Variants in TAF6L observed in about 807,000 individuals in gnomAD.
TAF6L encodes the protein TATA-box binding protein associated factor 6 like, also known as TAF6-like RNA polymerase II p300/CBP-associated factor-associated factor 65 kDa subunit 6L.
A neutral mutation model predicts 57.3 loss-of-function variants in TAF6L; 34 were observed. That is an observed-to-expected ratio of 0.59 (90% CI 0.45 to 0.79). The LOEUF (loss-of-function observed/expected upper bound fraction) is 0.79. TAF6L is among the 30% of genes least tolerant of loss of function. The pLI, the probability that TAF6L is intolerant of heterozygous loss-of-function variation, is 0.00. For synonymous variants in TAF6L, 417 were observed against 376.3 expected, an observed-to-expected ratio of 1.11 and a Z score of -1.25; for missense variants, 782 against 853.2, an observed-to-expected ratio of 0.92 and a Z score of 1.04.
chr11:62,783,054 C>T (rs1464162161), intron 9 of TAF6L, among the ~76,000 whole-genome samples: 1 of 152,154 alleles, frequency 6.6e-6, no homozygotes, highest in African/African-American at 2.4e-5. Flanking sequence ...TAAATTCCTG[C>T]CCGTTCTATA....
intron 1 of TAF6L, chr11:62,774,638 T>C (rs2084172135): frequency 2.2e-6 from 1 of 455,050 alleles, no homozygotes. Context: ...CAGCTGCTGT[T>C]TTTGTCGGTT....
At chr11:62,785,761 C>G (rs1201662702) in intron 9 of TAF6L, among the ~76,000 whole-genome samples, 8 of 148,874 alleles carry the variant, frequency 5.4e-5, no homozygotes, top group Non-Finnish European at 1.0e-4. Flanking sequence ...TCTTGAACTC[C>G]TGACCTCAGG....
chr11:62,786,095 A>G (rs890679650), intron 9 of TAF6L, 165 bp from the exon 10 acceptor site: 50 of 807,862 alleles, frequency 6.2e-5, no homozygotes, highest in Middle Eastern at 3.9e-4. Context: ...TTAGGTATAC[A>G]GTAGGTTCCA....
chr11:62,779,952 C>CCA (rs1332185092), intron 6 of TAF6L, among the ~76,000 whole-genome samples: 13 of 100,026 alleles, frequency 1.3e-4, no homozygotes, highest in African/African-American at 5.8e-4. Flanking sequence ...AGGCGTGAGC[C>CCA]TATATATATA....
Position 62,778,955 on chromosome 11 carries a change from C to G in TAF6L, c.523C>G (p.Leu175Val), listed in dbSNP as rs377296557. ...TGCTGTGCTAGGGGATGATCCGCAA[C>G]TGATGAAGGTGAGCGAGTGGGCCCA... is the stretch of plus-strand genomic sequence containing the variant. ...TRAVLGDDPQ[L>V]MKVALQDLQT... Residue 175 changes from leucine (L) to valine (V), a missense_variant, in exon 6 of 11, where the codon CTG (leucine) becomes GTG (valine). Coordinates refer to ENST00000294168, the MANE Select transcript of TAF6L (RefSeq NM_006473.4). 4 of 1,613,326 alleles carry G rather than the reference C, an allele frequency of 2.5e-6. No individual in the cohort carries two copies. In the African/African-American group the frequency reaches 5.3e-5, roughly 22 times the overall value.
intron 5 of TAF6L, 187 bp from the exon 6 acceptor site, chr11:62,778,682 A>T (rs2084204736): frequency 1.6e-6 from 1 of 624,032 alleles, no homozygotes; most frequent in South Asian, 1.9e-5. Context: ...GACAGAGCAC[A>T]GAGGTGTGCA....
At position 62,771,404 on chromosome 11, in the gene TAF6L, TGA is replaced by T. The variant is rs1445940933; in HGVS notation, c.-98_-97del. The T allele has an allele frequency of 6.5e-6, 1 of 153,444 alleles. No homozygotes were observed. The highest frequency in any genetic ancestry group is 1.9e-4 in the East Asian group (1 of 5,170). The allele number at this position is 153,444 out of a possible 1,614,324, so 9.5% of individuals were successfully genotyped here. A position where few individuals can be genotyped will look rare whatever the true frequency, so the allele number is the denominator to read the frequency against. The stretch of plus-strand genomic sequence containing the variant: ...GGGGCCGGGGCCCCGGGAGAGGGAA[TGA>T]GTGTGAGCTCGTGAGTGGGCGCCGC... On this transcript the variant is annotated 5_prime_UTR_variant, in exon 1 of 11. It removes the in-frame stop codon of an upstream open reading frame in the 5' UTR. Coordinates refer to ENST00000294168, the MANE Select transcript of TAF6L (RefSeq NM_006473.4).
At chr11:62,773,440 G>A (rs1301365480) in intron 1 of TAF6L, among the ~76,000 whole-genome samples, 1 of 149,838 alleles carries the variant, frequency 6.7e-6, no homozygotes, top group Non-Finnish European at 1.5e-5. Flanking sequence ...CACTGCGCCC[G>A]GCCTACAATT....
At position 62,776,072 on chromosome 11, in the gene TAF6L, A is replaced by C; in HGVS notation, c.147+142A>C. 4.3e-6 allele frequency: 5 copies of C among 1,175,666 alleles called. 1 individual carries two copies. The South Asian group carries it at 8.1e-5, about 19-fold the overall frequency. 72.8% of individuals were successfully genotyped at this position (1,175,666 alleles called of 1,614,324 possible). A position where few individuals can be genotyped will look rare whatever the true frequency, so the allele number is the denominator to read the frequency against. ...ACAGTCCATGCCTTTACAGAACTCTACTTGTAGCTGTCTGGGCTTCCAGCA... is the reference window on the plus strand; with the variant it reads ...ACAGTCCATGCCTTTACAGAACTCTCCTTGTAGCTGTCTGGGCTTCCAGCA... On this transcript the variant is annotated intron_variant, in intron 2 of 10. Transcript: ENST00000294168.
chr11:62,783,396 G>C (rs973030554), intron 9 of TAF6L, among the ~76,000 whole-genome samples: 5 of 151,920 alleles, frequency 3.3e-5, no homozygotes, highest in African/African-American at 1.2e-4. Flanking sequence ...GCAGGAGAAT[G>C]GCGTGAACCC....
chr11:62,780,259 T>C (rs986682834), intron 6 of TAF6L, among the ~76,000 whole-genome samples: 2 of 151,456 alleles, frequency 1.3e-5, no homozygotes, highest in African/African-American at 2.4e-5. Flanking sequence ...CAGAGGTTGC[T>C]GTGAGTCAAG....
At chr11:62,783,056 C>T (rs1006207278) in intron 9 of TAF6L, among the ~76,000 whole-genome samples, 1 of 152,116 alleles carries the variant, frequency 6.6e-6, no homozygotes, top group African/African-American at 2.4e-5. Flanking sequence ...AATTCCTGCC[C>T]GTTCTATATT....
Position 62,786,811 on chromosome 11 carries a change from G to C in TAF6L, c.1384G>C (p.Ala462Pro), listed in dbSNP as rs766389869. 1.2e-6 allele frequency: 2 copies of C among 1,607,652 alleles called. No individual in the cohort carries two copies. The highest frequency in any genetic ancestry group is 1.7e-6 in the Non-Finnish European group (2 of 1,179,318). The change falls in exon 11 of 11, where the codon GCA (alanine) becomes CCA (proline). Residue 462 changes from alanine to proline, a missense_variant. Transcript: ENST00000294168. ...CACACGCTTTGGCACCGGCCAGCCT[G>C]CACCCACGGCTCCGCGGCCGCCCGG... ...LATRFGTGQP[A>P]PTAPRPPGDK...
chr11:62,787,097 C>T lies in TAF6L; in HGVS notation c.1670C>T (p.Ala557Val). 1 of 1,542,872 alleles carries T rather than the reference C, an allele frequency of 6.5e-7. No individual in the cohort carries two copies. Among genetic ancestry groups the T allele is most frequent in the South Asian group, 1.2e-5 (1 of 85,096 alleles). ...FQKSRFAPRG[A>V]PHFRFIIAGR... ...AAGAGCCGTTTCGCCCCGCGCGGCG[C>T]CCCGCACTTTCGTTTCATCATAGCC... is the stretch of plus-strand genomic sequence containing the variant. The change falls in exon 11 of 11, where the codon GCC becomes GTC. Residue 557 changes from alanine to valine, a missense_variant. By Grantham distance (64) the Ala-to-Val change is moderately conservative. This residue lies in a region of TAF6L where 483 missense variants were observed against 445.1 expected (regional missense o/e 1.09). Coordinates refer to ENST00000294168, the MANE Select transcript of TAF6L (RefSeq NM_006473.4).
intron 9 of TAF6L, among the ~76,000 whole-genome samples, chr11:62,783,110 T>G (rs897138681): frequency 6.6e-6 from 1 of 152,216 alleles, no homozygotes; most frequent in Non-Finnish European, 1.5e-5. Flanking sequence ...ATTGAGCATT[T>G]TACACATGAA....
At position 62,786,867 on chromosome 11, in the gene TAF6L, C is replaced by T. The variant is rs1298679533; in HGVS notation, c.1440C>T (p.Asp480=). ...AGAAGGAGCCGGCGGCAGCCCCGGA[C>T]TCGGTGCGGAAGATGCCGCAGCTGA... The part of the protein sequence containing the change: ...GDKKEPAAAP[D]SVRKMPQLTA... Residue 480 remains aspartate, a synonymous_variant, in exon 11 of 11, where the codon GAC becomes GAT. Coordinates refer to ENST00000294168, the MANE Select transcript of TAF6L (RefSeq NM_006473.4). The T allele has an allele frequency of 1.9e-5, 30 of 1,588,476 alleles. No homozygotes were observed. The highest frequency in any genetic ancestry group is 4.0e-5 in the African/African-American group (3 of 74,564).
chr11:62,786,386 C>G lies in TAF6L; in HGVS notation c.1087C>G (p.Leu363Val). The change falls in exon 10 of 11, where the codon CTG (leucine) becomes GTG (valine). Residue 363 changes from leucine to valine, a missense_variant and splice_region_variant. By Grantham distance (32) the Leu-to-Val change is conservative. Around this residue, in one of 3 missense-constraint regions of TAF6L, gnomAD observed 483 missense variants for 445.1 expected, o/e 1.09. Coordinates refer to ENST00000294168, the MANE Select transcript of TAF6L (RefSeq NM_006473.4). Reference protein sequence around the residue: ...ADGHKVYGAILVAVERLLKMK... With the variant: ...ADGHKVYGAIVVAVERLLKMK... ...TGGACACAAAGTCTATGGAGCCATT[C>G]TGGTGAGTACCGTCCCCTTCCAGCC... 1.2e-6 allele frequency: 2 copies of G among 1,613,370 alleles called. No homozygotes were observed. Among genetic ancestry groups the G allele is most frequent in the Non-Finnish European group, 1.7e-6 (2 of 1,179,342 alleles).
chr11:62,780,745 C>T (rs948871890), intron 6 of TAF6L, among the ~76,000 whole-genome samples: 2 of 150,574 alleles, frequency 1.3e-5, no homozygotes, highest in Non-Finnish European at 3.0e-5. Context: ...GCCTGGCCAA[C>T]ATGGTGATTT....
intron 1 of TAF6L, among the ~76,000 whole-genome samples, chr11:62,773,908 A>G (rs1393024634): frequency 6.6e-6 from 1 of 152,102 alleles, no homozygotes; most frequent in East Asian, 1.9e-4. Context: ...GAGAGTTCCA[A>G]GTGGAGGAAG....
Sources: allele counts gnomAD v4.1 joint callset (sites outside exome capture counted in the v4.1 genomes callset), GRCh38; gene constraint gnomAD v4.1.1; regional missense constraint gnomAD v4.1.1; transcripts MANE v1.5; gene names NCBI Gene and HGNC (gene_info 2026-07-23, HGNC 2026-07-21).